The following EYA2 variants were observed in gnomAD, a reference collection of about 807,000 sequenced individuals.
The protein encoded by EYA2 is protein phosphatase EYA2.
Under a neutral mutation model 69.2 loss-of-function variants are expected in EYA2, and 31 were observed. That is an observed-to-expected ratio of 0.45 (90% CI 0.34 to 0.60). EYA2 has a LOEUF of 0.60. Among genes scored for constraint, EYA2 ranks in the 20% least tolerant of loss-of-function variants. EYA2 has a pLI of 0.02. For synonymous variants in EYA2, 257 were observed against 279.4 expected, an observed-to-expected ratio of 0.92 and a Z score of 0.80; for missense variants, 622 against 701.2, an observed-to-expected ratio of 0.89 and a Z score of 1.28.
At chr20:47,149,920 G>A (rs2033789999) in intron 10 of EYA2, among the ~76,000 whole-genome samples, 4 of 152,184 alleles carry the variant, frequency 2.6e-5, no homozygotes. Flanking sequence ...GATGCAGCAG[G>A]ACTGAGGAGG....
rs538368848 is a variant in EYA2 at position 46,921,823 on chromosome 20, C to T, written c.-11+26836C>T. 2.6e-5 allele frequency among the ~76,000 whole-genome samples: 4 copies of T among 152,336 alleles called. No homozygotes were observed. The South Asian group carries it at 8.3e-4, about 32-fold the overall frequency. On this transcript the variant is annotated intron_variant, in intron 1 of 15. Transcript: ENST00000327619. Reference sequence around the variant, plus strand: ...GAAGCTAGATACCATGTGTTATTCCCTTATATTAGCCAATACATTATTTCT... The same window carrying T: ...GAAGCTAGATACCATGTGTTATTCCTTTATATTAGCCAATACATTATTTCT...
At chr20:46,953,591 T>G (rs1164981524) in intron 1 of EYA2, among the ~76,000 whole-genome samples, 1 of 152,180 alleles carries the variant, frequency 6.6e-6, no homozygotes, top group Admixed American at 6.5e-5. Flanking sequence ...TAATTCTTCC[T>G]TATGGCGCTG....
chr20:46,984,868 G>C (rs1600608419), intron 1 of EYA2, among the ~76,000 whole-genome samples: 1 of 152,194 alleles, frequency 6.6e-6, no homozygotes, highest in Non-Finnish European at 1.5e-5. Flanking sequence ...CTACCTAGCT[G>C]TTCACCACCA....
chr20:47,186,925 T>C (rs2034654660), intron 15 of EYA2, among the ~76,000 whole-genome samples: 1 of 152,136 alleles, frequency 6.6e-6, no homozygotes, highest in African/African-American at 2.4e-5. Flanking sequence ...CTTTTTCCTA[T>C]TTACCTAGAT....
At chr20:46,929,798 G>C (rs1985588037) in intron 1 of EYA2, among the ~76,000 whole-genome samples, 1 of 151,854 alleles carries the variant, frequency 6.6e-6, no homozygotes, top group Non-Finnish European at 1.5e-5. Context: ...TTTGAGCCCA[G>C]CCTGGCCAAC....
intron 9 of EYA2, among the ~76,000 whole-genome samples, chr20:47,119,979 G>A (rs1461580088): frequency 3.3e-5 from 5 of 152,076 alleles, no homozygotes; most frequent in South Asian, 2.1e-4. Flanking sequence ...AGGCCAAGGC[G>A]GGCGGATCAC....
chr20:47,055,000 G>A (rs2030534714), intron 5 of EYA2, among the ~76,000 whole-genome samples: 1 of 152,144 alleles, frequency 6.6e-6, no homozygotes, highest in African/African-American at 2.4e-5. Flanking sequence ...GCTGTGCTTT[G>A]ACAGACTGTG....
intron 7 of EYA2, among the ~76,000 whole-genome samples, chr20:47,086,064 C>T (rs4810607): frequency 0.24 from 35,868 of 152,122 alleles, 4,456 homozygotes; most frequent in Middle Eastern, 0.31. Context: ...TGAAATTACT[C>T]CAAGAAAGGT....
intron 10 of EYA2, among the ~76,000 whole-genome samples, chr20:47,158,503 G>A (rs2034000974): frequency 6.7e-6 from 1 of 148,482 alleles, no homozygotes; most frequent in Non-Finnish European, 1.5e-5. Context: ...GGTGACAAGA[G>A]TGAAACTCTG....
intron 1 of EYA2, among the ~76,000 whole-genome samples, chr20:46,959,350 G>A (rs527986137): frequency 1.3e-5 from 2 of 152,244 alleles, no homozygotes; most frequent in East Asian, 3.9e-4. Flanking sequence ...GTTGGGGGTG[G>A]GGGCTGATGC....
intron 5 of EYA2, among the ~76,000 whole-genome samples, chr20:47,025,128 T>A (rs1217868991): frequency 6.6e-6 from 1 of 152,216 alleles, no homozygotes; most frequent in Non-Finnish European, 1.5e-5. Context: ...TCAAGATACT[T>A]TCACTTCCTT....
chr20:47,061,734 G>A (rs756050494), intron 5 of EYA2, among the ~76,000 whole-genome samples: 43 of 152,166 alleles, frequency 2.8e-4, no homozygotes, highest in African/African-American at 9.9e-4. Context: ...ATGATCCTAC[G>A]CTCATCTCAT....
In EYA2 at chr20:47,142,951, G is replaced by C. The variant is rs2033626604; in HGVS notation, c.889-108G>C. The C allele has an allele frequency of 2.9e-5, 24 of 836,764 alleles. No individual in the cohort carries two copies. In the South Asian group the frequency reaches 4.0e-4, roughly 14 times the overall value. The allele number at this position is 836,764 out of a possible 1,614,324, so 51.8% of individuals were successfully genotyped here. On this transcript the variant is annotated intron_variant, in intron 9 of 15. Transcript: ENST00000327619. ...TTTTAGGCCACGCGTGAGCCGAGCA[G>C]ATGAGGAAAAACCAAAACTGCTTTT... is the stretch of plus-strand genomic sequence containing the variant.
At chr20:46,900,750 T>C (rs1219083726) in intron 1 of EYA2, among the ~76,000 whole-genome samples, 1 of 152,204 alleles carries the variant, frequency 6.6e-6, no homozygotes, top group Non-Finnish European at 1.5e-5. Context: ...CTTTCAGAGA[T>C]ATCCTTAGTC....
intron 5 of EYA2, among the ~76,000 whole-genome samples, chr20:47,031,419 A>C (rs1360631988): frequency 6.6e-6 from 1 of 152,122 alleles, no homozygotes; most frequent in Non-Finnish European, 1.5e-5. Flanking sequence ...CTATGGGGGG[A>C]TGGCAAGGGC....
chr20:46,923,282 T>C (rs1985261911), intron 1 of EYA2, among the ~76,000 whole-genome samples: 1 of 152,156 alleles, frequency 6.6e-6, no homozygotes, highest in African/African-American at 2.4e-5. Flanking sequence ...TGAGAATTGC[T>C]TGAACCTGGG....
chr20:47,030,266 C>T (rs1214990268), intron 5 of EYA2, among the ~76,000 whole-genome samples: 2 of 152,256 alleles, frequency 1.3e-5, no homozygotes, highest in African/African-American at 4.8e-5. Context: ...ACCTCTGTCA[C>T]CTGCCCACTA....
chr20:46,991,968 C>A (rs1421959958), intron 2 of EYA2, among the ~76,000 whole-genome samples: 424 of 79,118 alleles, frequency 5.4e-3, no homozygotes, highest in Middle Eastern at 8.2e-3. Flanking sequence ...GACTCCGTCT[C>A]AAAAAAAAAA....
At chr20:47,100,412 C>G (rs1006741377) in intron 9 of EYA2, among the ~76,000 whole-genome samples, 2 of 152,224 alleles carry the variant, frequency 1.3e-5, no homozygotes, top group South Asian at 2.1e-4. Flanking sequence ...TCGCAGCCCC[C>G]ACCTGGCCTG....
Sources: gnomAD v4.1 joint callset for allele counts (sites outside exome capture counted in the v4.1 genomes callset) on GRCh38, gnomAD v4.1.1 for gene constraint, MANE v1.5 for transcripts, NCBI Gene and HGNC (gene_info 2026-07-23, HGNC 2026-07-21) for gene names.